The following NDE1 variants were observed in gnomAD, a reference collection of about 807,000 sequenced individuals.
NDE1 encodes the protein nuclear distribution protein nudE homolog 1.
In NDE1, 28 loss-of-function variants were observed where a neutral mutation model predicts 43.4. The ratio of observed to expected loss-of-function variants is 0.65; its 90% CI spans 0.48 to 0.89. The LOEUF (loss-of-function observed/expected upper bound fraction) is 0.89, where lower values mean the gene tolerates loss of function less well. Among genes scored for constraint, NDE1 ranks in the 40% least tolerant of loss-of-function variants. NDE1 has a pLI of 0.00. For synonymous variants in NDE1, 184 were observed against 172.0 expected (o/e 1.07, Z -0.55); for missense variants, 441 against 434.1 (o/e 1.02, Z -0.14).
At chr16:15,720,768 C>T in intron 8 of NDE1, 1 of 1,489,044 alleles carries the variant, frequency 6.7e-7, no homozygotes, top group Non-Finnish European at 9.3e-7. Context: ...TCCACACCAA[C>T]CATGAGAGTG....
chr16:15,676,371 G>A (rs1452290407), intron 3 of NDE1, among the ~76,000 whole-genome samples: 1 of 151,656 alleles, frequency 6.6e-6, no homozygotes, highest in African/African-American at 2.4e-5. Flanking sequence ...CACCACGCCT[G>A]GCTAATTTTT....
At chr16:15,715,137 C>G in intron 8 of NDE1, 1 of 1,612,486 alleles carries the variant, frequency 6.2e-7, no homozygotes, top group South Asian at 1.1e-5. Flanking sequence ...GCTGGGGGCT[C>G]GAGGGAGGCT....
At position 15,718,144 on chromosome 16, in the gene NDE1, C is replaced by T. The variant is rs891833445; in HGVS notation, c.948-6047C>T. The T allele has an allele frequency of 1.3e-5, 13 of 1,016,788 alleles. 1 individual carries two copies. The highest frequency in any genetic ancestry group is 8.2e-5 in the Admixed American group (4 of 48,728). 63.0% of individuals were successfully genotyped at this position (1,016,788 alleles called of 1,614,324 possible). On this transcript the variant is annotated intron_variant, in intron 8 of 8. Transcript: ENST00000396354. ...AGAGGAGTATTCTGAAGACAGCAGC[C>T]TGGGCACTGGTGTAAGGGCCCTGGA...
chr16:15,659,549 G>A (rs1210939194), intron 1 of NDE1, among the ~76,000 whole-genome samples: 1 of 135,554 alleles, frequency 7.4e-6, no homozygotes, highest in Non-Finnish European at 1.5e-5. Flanking sequence ...TGATTCTCCC[G>A]CCTCAGCCTC....
chr16:15,701,332 G>A (rs1306377095), intron 8 of NDE1: 1 of 152,072 alleles, frequency 6.6e-6, no homozygotes, highest in Non-Finnish European at 1.5e-5. Context: ...AGTTTTCAGA[G>A]TAATTTTCCA....
intron 8 of NDE1, chr16:15,718,634 A>G: frequency 1.3e-6 from 1 of 792,346 alleles, no homozygotes; most frequent in East Asian, 2.7e-5. Context: ...GGTCCGTGTC[A>G]GCAAAGCTGG....
intron 4 of NDE1, among the ~76,000 whole-genome samples, chr16:15,684,768 G>A (rs1041338863): frequency 3.9e-5 from 6 of 152,114 alleles, no homozygotes; most frequent in African/African-American, 1.4e-4. Flanking sequence ...AACTGAACCT[G>A]CCATCTTTTT....
At chr16:15,704,184 T>C (rs2039329372) in intron 8 of NDE1, 2 of 1,596,812 alleles carry the variant, frequency 1.3e-6, no homozygotes, top group African/African-American at 2.7e-5. Flanking sequence ...GGATAGATTT[T>C]TTATAAATCT....
intron 5 of NDE1, among the ~76,000 whole-genome samples, chr16:15,689,852 A>G (rs2038639595): frequency 1.0e-5 from 1 of 99,834 alleles, no homozygotes; most frequent in Admixed American, 1.0e-4. Context: ...AGGCAGGAGA[A>G]TCACTTGAAC....
intron 8 of NDE1, among the ~76,000 whole-genome samples, chr16:15,698,385 G>A (rs1163419972): frequency 2.6e-5 from 4 of 151,996 alleles, no homozygotes; most frequent in African/African-American, 7.2e-5. Flanking sequence ...GTGATGAAGC[G>A]AGACCTTGTC....
intron 1 of NDE1, among the ~76,000 whole-genome samples, chr16:15,661,926 A>G (rs2037065663): frequency 1.3e-5 from 2 of 150,946 alleles, no homozygotes; most frequent in East Asian, 2.0e-4. Flanking sequence ...TGTTCCCTCC[A>G]TCTTCATTCC....
In NDE1 at chr16:15,714,582, G is replaced by A. The variant is rs143099185; in HGVS notation, c.948-9609G>A. 15 of 479,032 alleles carry A rather than the reference G, an allele frequency of 3.1e-5. 1 individual carries two copies. The highest frequency in any genetic ancestry group is 2.0e-4 in the Admixed American group (6 of 29,334). 29.7% of individuals were successfully genotyped at this position (479,032 alleles called of 1,614,324 possible). ...TGGTGTTGCAGCTTCAATGGATGTC[G>A]TGAAGACTCAGTGATGCAATGAAGG... On this transcript the variant is annotated intron_variant, in intron 8 of 8. Coordinates refer to ENST00000396354, the MANE Select transcript of NDE1 (RefSeq NM_017668.3).
At position 15,706,703 on chromosome 16, in the gene NDE1, C is replaced by CA. The variant is rs1309892852; in HGVS notation, c.947+9854dup. Among the ~76,000 whole-genome samples the CA allele has an allele frequency of 4.8e-3, 612 of 127,576 alleles. 2 individuals are homozygous for CA. Among genetic ancestry groups the CA allele is most frequent in the Middle Eastern group, 0.013 (3 of 234 alleles). The allele number at this position is 127,576 out of a possible 152,430, so 83.7% of individuals were successfully genotyped here. On this transcript the variant is annotated intron_variant, in intron 8 of 8. Coordinates refer to ENST00000396354, the MANE Select transcript of NDE1 (RefSeq NM_017668.3). ...GCCTGGGAAACAGCAAGACTGTCTCCAAAAAAAAAAACAAAAAAAAATCTG... is the reference window on the plus strand; with the variant it reads ...GCCTGGGAAACAGCAAGACTGTCTCCAAAAAAAAAAAACAAAAAAAAATCTG...
intron 3 of NDE1, among the ~76,000 whole-genome samples, chr16:15,669,975 A>G (rs2037509667): frequency 6.6e-6 from 1 of 152,130 alleles, no homozygotes; most frequent in Non-Finnish European, 1.5e-5. Context: ...TCAGCAAGGG[A>G]TCACTAAGTC....
intron 8 of NDE1, chr16:15,718,532 A>C: frequency 6.8e-7 from 1 of 1,478,874 alleles, no homozygotes; most frequent in Non-Finnish European, 9.0e-7. Flanking sequence ...TATTGCCCTC[A>C]TCATCTAATG....
Position 15,714,929 on chromosome 16 carries a change from G to A in NDE1, c.948-9262G>A, listed in dbSNP as rs764020019. 78 of 1,613,884 alleles carry A rather than the reference G, an allele frequency of 4.8e-5. No homozygotes were observed. The Middle Eastern group carries it at 1.7e-3, about 34-fold the overall frequency. Reference sequence around the variant, plus strand: ...CTCACCTGAGCTTGCTCTTGAGTGCGTTCACCTCGCGGCCCATGGCCTCGT... The same window carrying A: ...CTCACCTGAGCTTGCTCTTGAGTGCATTCACCTCGCGGCCCATGGCCTCGT... On this transcript the variant is annotated intron_variant, in intron 8 of 8. Coordinates refer to ENST00000396354, the MANE Select transcript of NDE1 (RefSeq NM_017668.3).
At chr16:15,710,631 CAGGAG>C (rs1198236997) in intron 8 of NDE1, among the ~76,000 whole-genome samples, 2 of 151,678 alleles carry the variant, frequency 1.3e-5, no homozygotes, top group East Asian at 3.9e-4. Flanking sequence ...CCCAGCCACT[CAGGAG>C]AGGCAGGGGG....
chr16:15,724,011 G>T, intron 8 of NDE1, 180 bp from the exon 9 acceptor site: 1 of 1,355,014 alleles, frequency 7.4e-7, no homozygotes, highest in South Asian at 1.3e-5. Context: ...CTCCATGGTC[G>T]CCCAAGACAA....
At chr16:15,694,041 G>A in intron 6 of NDE1, 124 bp from the exon 7 acceptor site, 1 of 1,155,794 alleles carries the variant, frequency 8.7e-7, no homozygotes, top group South Asian at 1.3e-5. Context: ...AAATAGGGTA[G>A]CTTTTGGGAT....
Sources: allele counts gnomAD v4.1 joint callset (sites outside exome capture counted in the v4.1 genomes callset), GRCh38; gene constraint gnomAD v4.1.1; transcripts MANE v1.5; gene names NCBI Gene and HGNC (gene_info 2026-07-23, HGNC 2026-07-21).